The following ZMIZ2 variants were observed in gnomAD, a reference collection of about 807,000 sequenced individuals.
ZMIZ2 encodes the protein zinc finger MIZ domain-containing protein 2.
ZMIZ2 carries 26 observed loss-of-function variants against 93.9 expected under a neutral mutation model. The observed-to-expected ratio is 0.28, with a 90% CI of 0.20 to 0.38. ZMIZ2 has a LOEUF of 0.38. ZMIZ2 is among the 10% of genes least tolerant of loss of function. The pLI is 1.00. For synonymous variants in ZMIZ2, 485 were observed against 516.4 expected (o/e 0.94, Z 0.82); for missense variants, 1,023 against 1,235.0 (o/e 0.83, Z 2.57).
In ZMIZ2 at chr7:44,763,311, G is replaced by C; in HGVS notation, c.1758G>C (p.Glu586Asp). 1 of 1,614,138 alleles carries C rather than the reference G, an allele frequency of 6.2e-7. No individual in the cohort carries two copies. Among genetic ancestry groups the C allele is most frequent in the Non-Finnish European group, 8.5e-7 (1 of 1,180,018 alleles). The change falls in exon 13 of 19, where the codon GAG becomes GAC. Residue 586 changes from glutamate to aspartate, a missense_variant. Physicochemically the swap from Glu to Asp is conservative, Grantham distance 45. This residue lies in a region of ZMIZ2 where 48 missense variants were observed against 99.1 expected (regional missense o/e 0.48). Transcript: ENST00000309315. This position sits in a 1 kb window ranked among gnomAD's most constrained non-coding sequence, Gnocchi z 5.6. ...CTGGCACCCCTGGGCCCAACGGAGA[G>C]GACGGGGTGGAGCAGACAGCTATCA... ...TIPGTPGPNG[E>D]DGVEQTAIKV... is the part of the protein sequence containing the mutation.
At chr7:44,759,095 A>AAC (rs1379039270) in intron 6 of ZMIZ2, among the ~76,000 whole-genome samples, 186 bp from the exon 7 acceptor site, 25 of 147,450 alleles carry the variant, frequency 1.7e-4, no homozygotes, top group East Asian at 7.9e-4. Context: ...AAAAAAAAAA[A>AAC]AAAAAAAAAA....
At position 44,763,505 on chromosome 7, in the gene ZMIZ2, C is replaced by T. The variant is rs1791405468; in HGVS notation, c.1860+92C>T. 3.3e-6 allele frequency: 5 copies of T among 1,506,950 alleles called. No homozygotes were observed. Among genetic ancestry groups the T allele is most frequent in the African/African-American group, 1.4e-5 (1 of 72,728 alleles). The allele number at this position is 1,506,950 out of a possible 1,614,324, so 93.3% of individuals were successfully genotyped here. On this transcript the variant is annotated intron_variant, in intron 13 of 18. Transcript: ENST00000309315. This position sits in a 1 kb window ranked among gnomAD's most constrained non-coding sequence, Gnocchi z 5.6. ...GTGTCATTCTCTGGACAGACGTGAA[C>T]TCCGAGTGCCTTGGCTGTCAGGCTG...
At chr7:44,762,806 C>T in intron 11 of ZMIZ2, 75 bp from the exon 12 acceptor site, 1 of 1,317,748 alleles carries the variant, frequency 7.6e-7, no homozygotes, top group Non-Finnish European at 1.0e-6. Flanking sequence ...CACACAACCC[C>T]CAGCACACCC....
chr7:44,764,330 A>T, intron 13 of ZMIZ2, 89 bp from the exon 14 acceptor site: 1 of 1,254,868 alleles, frequency 8.0e-7, no homozygotes, highest in Non-Finnish European at 1.1e-6. Flanking sequence ...TAAATAAGTC[A>T]CACATTCCTG....
At chr7:44,751,326 C>T (rs563395966) in intron 1 of ZMIZ2, among the ~76,000 whole-genome samples, 2 of 152,378 alleles carry the variant, frequency 1.3e-5, no homozygotes, top group African/African-American at 4.8e-5. Context: ...AAATTCTGGG[C>T]TTAGGCCCCA....
Position 44,757,113 on chromosome 7 carries a change from G to T in ZMIZ2, c.332G>T (p.Arg111Leu), listed in dbSNP as rs367805690. The change falls in exon 4 of 19, where the codon CGC becomes CTC. Residue 111 changes from arginine (R) to leucine (L), a missense_variant. Arg to Leu is a moderately radical substitution (Grantham distance 102). Coordinates refer to ENST00000309315, the MANE Select transcript of ZMIZ2 (RefSeq NM_031449.4). The part of the protein sequence containing the change: ...KGYVQQGVYS[R>L]GGYPGAPGFT... ...TACGTGCAGCAAGGCGTGTACAGCCGCGGGGGCTACCCTGGGGCCCCCGGC... is the reference window on the plus strand; with the variant it reads ...TACGTGCAGCAAGGCGTGTACAGCCTCGGGGGCTACCCTGGGGCCCCCGGC... The T allele has an allele frequency of 6.2e-7, 1 of 1,600,750 alleles. No homozygotes were observed.
In ZMIZ2 at chr7:44,765,558, C is replaced by A; in HGVS notation, c.2221C>A (p.Pro741Thr). 2 of 1,501,772 alleles carry A rather than the reference C, an allele frequency of 1.3e-6. No individual in the cohort carries two copies. The highest frequency in any genetic ancestry group is 1.8e-6 in the Non-Finnish European group (2 of 1,122,582). 93.0% of individuals were successfully genotyped at this position (1,501,772 alleles called of 1,614,324 possible). ...CCTGCAGCCCCCCTCAGTCCCTGCC[C>A]CCAGCGACTACCCTGGCCAGGGTAA... The part of the protein sequence containing the change: ...APLQPPSVPA[P>T]SDYPGQGSSF... The change falls in exon 16 of 19, where the codon CCC becomes ACC. Residue 741 changes from proline to threonine, a missense_variant. Pro to Thr is a conservative substitution (Grantham distance 38). This residue lies in a region of ZMIZ2 where 319 missense variants were observed against 358.8 expected (regional missense o/e 0.89). Coordinates refer to ENST00000309315, the MANE Select transcript of ZMIZ2 (RefSeq NM_031449.4). This position sits in a 1 kb window ranked among gnomAD's most constrained non-coding sequence, Gnocchi z 4.1.
Position 44,764,891 on chromosome 7 carries a change from G to C in ZMIZ2, c.1929-50G>C, listed in dbSNP as rs749494011. On this transcript the variant is annotated intron_variant, in intron 14 of 18. Transcript: ENST00000309315. ...TGAGAAATGACAGGGCCTGTGCCCA[G>C]GACAGGGTTGTGCAAGGTCTCTGAG... is the stretch of plus-strand genomic sequence containing the variant. The C allele has an allele frequency of 3.1e-6, 5 of 1,601,730 alleles. No homozygotes were observed. The South Asian group carries it at 5.5e-5, about 18-fold the overall frequency.
chr7:44,752,079 A>G (rs147453892), intron 1 of ZMIZ2, among the ~76,000 whole-genome samples: 1,656 of 152,120 alleles, frequency 0.011, 16 homozygotes, highest in Middle Eastern at 0.034. Context: ...CTAGTACAAC[A>G]TTGCACCAGG....
At chr7:44,750,702 A>G (rs954413062) in intron 1 of ZMIZ2, among the ~76,000 whole-genome samples, 3 of 152,094 alleles carry the variant, frequency 2.0e-5, no homozygotes, top group African/African-American at 7.2e-5. Context: ...TGAGTTCTGT[A>G]ACTCTGTCTA....
intron 1 of ZMIZ2, among the ~76,000 whole-genome samples, chr7:44,749,273 C>G (rs13246560): frequency 6.6e-6 from 1 of 152,188 alleles, no homozygotes; most frequent in South Asian, 2.1e-4. Context: ...CAGCCCTCCC[C>G]TGAGTCTTTG....
chr7:44,767,658 T>C lies in ZMIZ2; in HGVS notation c.*35T>C, dbSNP rs1179272979. On this transcript the variant is annotated 3_prime_UTR_variant, in exon 19 of 19. Transcript: ENST00000309315. The stretch of plus-strand genomic sequence containing the variant: ...TACCCCAAGCCCGGCGGGGACACGC[T>C]CACAGATGTCACCACAGCCCTGCCC... 2 of 1,566,540 alleles carry C rather than the reference T, an allele frequency of 1.3e-6. No homozygotes were observed. The highest frequency in any genetic ancestry group is 1.7e-5 in the Admixed American group (1 of 59,680).
In ZMIZ2 at chr7:44,756,757, C is replaced by T. The variant is rs1479707740; in HGVS notation, c.166-190C>T. On this transcript the variant is annotated intron_variant, in intron 3 of 18. Coordinates refer to ENST00000309315, the MANE Select transcript of ZMIZ2 (RefSeq NM_031449.4). ...CTGTGGGATTTTCTTCTCCTGTCTT[C>T]ACCTAGCCTTCACAAAATGCCCCAA... The T allele has an allele frequency of 6.2e-6, 5 of 806,824 alleles. No individual in the cohort carries two copies. In the African/African-American group the frequency reaches 8.7e-5, roughly 14 times the overall value. The allele number at this position is 806,824 out of a possible 1,614,324, so 50.0% of individuals were successfully genotyped here.
At chr7:44,762,689 A>C (rs553332498) in intron 11 of ZMIZ2, among the ~76,000 whole-genome samples, 192 bp from the exon 12 acceptor site, 1 of 152,272 alleles carries the variant, frequency 6.6e-6, no homozygotes, top group Non-Finnish European at 1.5e-5. Context: ...GAGGCCAGGA[A>C]AGGCAGCTGG....
chr7:44,749,432 C>CCCA (rs900572059), intron 1 of ZMIZ2, among the ~76,000 whole-genome samples: 2 of 152,228 alleles, frequency 1.3e-5, no homozygotes, highest in Non-Finnish European at 2.9e-5. Flanking sequence ...TACTTACGTG[C>CCCA]CCACCAGCAC....
In ZMIZ2 at chr7:44,765,116, GGCATGGAGCAGGCT is replaced by G. The variant is rs1791571551; in HGVS notation, c.1997+109_1997+122del. 148 of 1,509,928 alleles carry G rather than the reference GGCATGGAGCAGGCT, an allele frequency of 9.8e-5. No individual in the cohort carries two copies. Among genetic ancestry groups the G allele is most frequent in the Non-Finnish European group, 1.3e-4 (147 of 1,102,224 alleles). The allele number at this position is 1,509,928 out of a possible 1,614,324, so 93.5% of individuals were successfully genotyped here. On this transcript the variant is annotated intron_variant, in intron 15 of 18. Transcript: ENST00000309315. The surrounding 1 kb of genome is among the most constrained non-coding windows in gnomAD (Gnocchi z 4.1). ...AAGTGCAGCCTTCCAGCCTTTTTCC[GGCATGGAGCAGGCT>G]GGATTCCAGGCCAGAGACAGCGTGT...
chr7:44,767,550 T>C lies in ZMIZ2; in HGVS notation c.2690T>C (p.Leu897Pro), dbSNP rs753842909. 1 of 1,614,172 alleles carries C rather than the reference T, an allele frequency of 6.2e-7. No homozygotes were observed. The highest frequency in any genetic ancestry group is 8.5e-7 in the Non-Finnish European group (1 of 1,180,024). The change falls in exon 19 of 19, where the codon CTG becomes CCG. Residue 897 changes from leucine to proline, a missense_variant. Around this residue, in one of 3 missense-constraint regions of ZMIZ2, gnomAD observed 319 missense variants for 358.8 expected, o/e 0.89. Coordinates refer to ENST00000309315, the MANE Select transcript of ZMIZ2 (RefSeq NM_031449.4). ...LPELTNPDEL[L>P]SYLGPPDLPT... ...GAACTGACCAACCCTGATGAGCTACTGTCCTACTTGGGCCCACCCGACCTC... is the reference window on the plus strand; with the variant it reads ...GAACTGACCAACCCTGATGAGCTACCGTCCTACTTGGGCCCACCCGACCTC...
rs1365142659 is a variant in ZMIZ2, at chr7:44,767,870, T to A, written c.*247T>A. 2 of 560,902 alleles carry A rather than the reference T, an allele frequency of 3.6e-6. No individual in the cohort carries two copies. The highest frequency in any genetic ancestry group is 3.8e-5 in the African/African-American group (2 of 52,792). 34.7% of individuals were successfully genotyped at this position (560,902 alleles called of 1,614,324 possible). On this transcript the variant is annotated 3_prime_UTR_variant, in exon 19 of 19. Transcript: ENST00000309315. ...TGCCAAGCCTGCTGCTGCAGAACGG[T>A]TTTTGCTGAGGTGCCCCTGCCCAGC...
Position 44,761,981 on chromosome 7 carries a change from G to T in ZMIZ2, c.1596+76G>T, listed in dbSNP as rs1264025205. 2.1e-6 allele frequency: 3 copies of T among 1,401,394 alleles called. No homozygotes were observed. The highest frequency in any genetic ancestry group is 2.8e-6 in the Non-Finnish European group (3 of 1,071,212). The allele number at this position is 1,401,394 out of a possible 1,614,324, so 86.8% of individuals were successfully genotyped here. A position where few individuals can be genotyped will look rare whatever the true frequency, so the allele number is the denominator to read the frequency against. The stretch of plus-strand genomic sequence containing the variant: ...GTGGGGCCTGGCCCAGCGGTGCCGT[G>T]GGGTGGGGCGGGGTGTGGGCGGGGC... On this transcript the variant is annotated intron_variant, in intron 11 of 18. Coordinates refer to ENST00000309315, the MANE Select transcript of ZMIZ2 (RefSeq NM_031449.4). The surrounding 1 kb of genome is among the most constrained non-coding windows in gnomAD (Gnocchi z 5.8).
Sources: allele counts gnomAD v4.1 joint callset (sites outside exome capture counted in the v4.1 genomes callset), GRCh38; gene constraint gnomAD v4.1.1; regional missense constraint gnomAD v4.1.1; non-coding constraint Gnocchi (gnomAD v3.1); transcripts MANE v1.5; gene names NCBI Gene and HGNC (gene_info 2026-07-23, HGNC 2026-07-21).